The following INO80D variants were observed in gnomAD, a reference collection of about 807,000 sequenced individuals.
INO80D encodes the protein INO80 complex subunit D.
INO80D carries 21 observed loss-of-function variants against 87.6 expected under a neutral mutation model. The ratio of observed to expected loss-of-function variants is 0.24; its 90% confidence interval spans 0.17 to 0.35. INO80D has a LOEUF of 0.35. INO80D is among the 10% of genes least tolerant of loss of function. The pLI, the probability that INO80D is intolerant of heterozygous loss-of-function variation, is 1.00. For synonymous variants in INO80D, 440 were observed against 491.0 expected, an observed-to-expected ratio of 0.90 and a Z score of 1.37; for missense variants, 982 against 1,280.7, an observed-to-expected ratio of 0.77 and a Z score of 3.56.
At chr2:206,017,156 C>G (rs976477809) in intron 8 of INO80D, among the ~76,000 whole-genome samples, 6 of 152,154 alleles carry the variant, frequency 3.9e-5, no homozygotes, top group African/African-American at 1.2e-4. Flanking sequence ...AAAACTATAA[C>G]ATGTTTATAG....
Position 206,056,417 on chromosome 2 carries a change from T to C in INO80D, c.745A>G (p.Thr249Ala), listed in dbSNP as rs1169718242. ...SLPMQGVAPT[T>A]HTIAQARQLS... ...TGCCGTGCTTGTGCTATAGTGTGTG[T>C]GGTGGGTGCCACTCCCTGCATTGGT... Residue 249 changes from threonine to alanine, a missense_variant, in exon 4 of 11, where the codon ACA (threonine) becomes GCA (alanine). Thr to Ala is a moderately conservative substitution (Grantham distance 58). Coordinates refer to ENST00000403263, the MANE Select transcript of INO80D (RefSeq NM_017759.5). 1 of 1,613,758 alleles carries C rather than the reference T, an allele frequency of 6.2e-7. No individual in the cohort carries two copies. Among genetic ancestry groups the C allele is most frequent in the Non-Finnish European group, 8.5e-7 (1 of 1,179,874 alleles).
intron 9 of INO80D, among the ~76,000 whole-genome samples, chr2:206,009,037 T>G (rs1045426055): frequency 2.0e-5 from 3 of 152,186 alleles, no homozygotes; most frequent in African/African-American, 7.2e-5. Context: ...AGACTAGGTA[T>G]AGTGGTTCAT....
chr2:206,080,807 G>A (rs967533835), intron 1 of INO80D, among the ~76,000 whole-genome samples: 1 of 150,040 alleles, frequency 6.7e-6, no homozygotes, highest in African/African-American at 2.5e-5. Context: ...GGAGGCTGAG[G>A]CAGGAGAATG....
At chr2:206,009,485 A>C (rs2105801006) in intron 9 of INO80D, 92 bp downstream of exon 9, 1 of 1,073,550 alleles carries the variant, frequency 9.3e-7, no homozygotes, top group African/African-American at 1.6e-5. Context: ...TCTGTAGCCT[A>C]GTGACAACTT....
chr2:206,047,602 G>A (rs936445228), intron 4 of INO80D, among the ~76,000 whole-genome samples: 10 of 151,654 alleles, frequency 6.6e-5, no homozygotes, highest in African/African-American at 2.4e-4. Context: ...AAAGAAGCTC[G>A]ATATATGTTA....
intron 9 of INO80D, 80 bp from the exon 10 acceptor site, chr2:206,007,521 T>C (rs751507317): frequency 3.0e-4 from 446 of 1,483,928 alleles, no homozygotes; most frequent in Non-Finnish European, 3.8e-4. Context: ...TCATTCAACA[T>C]GAAAAGAAGC....
chr2:206,056,100 C>T (rs1689509739), intron 4 of INO80D, 98 bp downstream of exon 4: 1 of 1,198,626 alleles, frequency 8.3e-7, no homozygotes, highest in Non-Finnish European at 1.2e-6. Flanking sequence ...TGATTCCACC[C>T]CCATCACATA....
chr2:206,055,359 C>A (rs1288947909), intron 4 of INO80D, among the ~76,000 whole-genome samples: 1 of 152,082 alleles, frequency 6.6e-6, no homozygotes, highest in African/African-American at 2.4e-5. Flanking sequence ...TCAGAAGCAA[C>A]AAAAGAAAAA....
At chr2:206,025,542 A>AATATATATATATATAT (rs1553616186) in intron 6 of INO80D, 856 of 76,592 alleles carry the variant, frequency 0.011, 21 homozygotes, top group Non-Finnish European at 0.018. Context: ...AAAAAAAAAA[A>AATATATATATATATAT]ATATATATAT....
intron 1 of INO80D, among the ~76,000 whole-genome samples, chr2:206,071,995 A>C (rs1689984573): frequency 6.6e-6 from 1 of 152,092 alleles, no homozygotes; most frequent in South Asian, 2.1e-4. Flanking sequence ...CTCCACTCTG[A>C]ACTTCCTACA....
intron 6 of INO80D, among the ~76,000 whole-genome samples, chr2:206,022,209 C>CA (rs1221979334): frequency 4.7e-5 from 7 of 150,400 alleles, no homozygotes; most frequent in Non-Finnish European, 8.9e-5. Flanking sequence ...ACTAAAAATA[C>CA]AAAAAAAATT....
At chr2:206,040,065 G>A (rs1177542105) in intron 5 of INO80D, among the ~76,000 whole-genome samples, 1 of 151,856 alleles carries the variant, frequency 6.6e-6, no homozygotes, top group Non-Finnish European at 1.5e-5. Flanking sequence ...GGCCAAGGTA[G>A]GCAGATTACT....
At chr2:206,015,067 G>A (rs1032903122) in intron 8 of INO80D, among the ~76,000 whole-genome samples, 31 of 152,222 alleles carry the variant, frequency 2.0e-4, no homozygotes, top group African/African-American at 7.5e-4. Context: ...TCTGGCAGAA[G>A]AAATTTCTAA....
At chr2:206,033,783 A>T (rs549218615) in intron 5 of INO80D, among the ~76,000 whole-genome samples, 79 of 152,312 alleles carry the variant, frequency 5.2e-4, no homozygotes, top group African/African-American at 1.8e-3. Context: ...AAAAAAATAC[A>T]AAAGATAAAT....
In INO80D at chr2:206,005,231, A is replaced by C. The variant is rs1687993694; in HGVS notation, c.2221T>G (p.Leu741Val). 6.2e-7 allele frequency: 1 copy of C among 1,613,886 alleles called. No individual in the cohort carries two copies. Among genetic ancestry groups the C allele is most frequent in the African/African-American group, 1.3e-5 (1 of 74,918 alleles). Reference sequence around the variant, plus strand: ...GCCAGGGGTGTAGGTGGGTTTGACAAGGTAGCAGAACGGAGCAGGTTCTCA... The same window carrying C: ...GCCAGGGGTGTAGGTGGGTTTGACACGGTAGCAGAACGGAGCAGGTTCTCA... ...LDENLLRSAT[L>V]SNPPTPLAGQ... Residue 741 changes from leucine (L) to valine (V), a missense_variant, in exon 11 of 11, where the codon TTG becomes GTG. Physicochemically the swap from Leu to Val is conservative, Grantham distance 32. Transcript: ENST00000403263.
chr2:206,012,571 A>G (rs939104764), intron 8 of INO80D, among the ~76,000 whole-genome samples: 3 of 152,148 alleles, frequency 2.0e-5, no homozygotes. Context: ...TCAGAATATA[A>G]TATGAAAATA....
Position 205,997,041 on chromosome 2 carries a change from C to A in INO80D, c.*7327G>T, listed in dbSNP as rs1687821624. On this transcript the variant is annotated 3_prime_UTR_variant, in exon 11 of 11. Transcript: ENST00000403263. ...TATCTAAGATGAAGTAAATGATGCTCAAGAGACAACTACAAATTCAGGTAT... is the reference window on the plus strand; with the variant it reads ...TATCTAAGATGAAGTAAATGATGCTAAAGAGACAACTACAAATTCAGGTAT... 6.6e-6 allele frequency: 1 copy of A among 152,026 alleles called. No homozygotes were observed. Among genetic ancestry groups the A allele is most frequent in the African/African-American group, 2.4e-5 (1 of 41,408 alleles). 9.4% of individuals were successfully genotyped at this position (152,026 alleles called of 1,614,324 possible).
At chr2:206,049,391 G>A (rs1456200288) in intron 4 of INO80D, among the ~76,000 whole-genome samples, 1 of 152,196 alleles carries the variant, frequency 6.6e-6, no homozygotes, top group Non-Finnish European at 1.5e-5. Context: ...CAACTTCAGT[G>A]TGTTGAAAGG....
intron 4 of INO80D, among the ~76,000 whole-genome samples, chr2:206,050,754 G>C (rs1006477098): frequency 6.6e-6 from 1 of 152,010 alleles, no homozygotes; most frequent in Non-Finnish European, 1.5e-5. Context: ...GGATCACGAG[G>C]TCAGGAGATT....
Sources: gnomAD v4.1 joint callset for allele counts (sites outside exome capture counted in the v4.1 genomes callset) on GRCh38, gnomAD v4.1.1 for gene constraint, MANE v1.5 for transcripts, NCBI Gene and HGNC (gene_info 2026-07-23, HGNC 2026-07-21) for gene names.